Variants in TMOD4 observed in about 807,000 individuals in gnomAD.
TMOD4 encodes tropomodulin-4.
TMOD4 carries 34 observed loss-of-function variants against 45.4 expected under a neutral mutation model. That is an observed-to-expected ratio of 0.75 (90% CI 0.57 to 1.00). The LOEUF (loss-of-function observed/expected upper bound fraction) is 1.00, where lower values mean the gene tolerates loss of function less well. Among genes scored for constraint, TMOD4 ranks in the 50% least tolerant of loss-of-function variants. TMOD4 has a pLI of 0.00. For synonymous variants in TMOD4, 131 were observed against 153.9 expected, an observed-to-expected ratio of 0.85 and a Z score of 1.10; for missense variants, 399 against 437.5, an observed-to-expected ratio of 0.91 and a Z score of 0.78.
At chr1:151,170,135 T>G in intron 9 of TMOD4, 32 bp from the exon 10 acceptor site, 1 of 1,614,012 alleles carries the variant, frequency 6.2e-7, no homozygotes, top group South Asian at 1.1e-5. Flanking sequence ...CATAAGTGTT[T>G]GTTCCAGCTC....
intron 5 of TMOD4, 46 bp downstream of exon 5, chr1:151,172,222 C>T (rs1010033279): frequency 1.2e-5 from 17 of 1,468,868 alleles, no homozygotes; most frequent in Non-Finnish European, 1.6e-5. Context: ...GACACTAGGA[C>T]TGCCTGCCCA....
intron 2 of TMOD4, 79 bp from the exon 3 acceptor site, chr1:151,174,626 G>C: frequency 6.3e-7 from 1 of 1,595,518 alleles, no homozygotes; most frequent in East Asian, 2.2e-5. Context: ...AACATCACCG[G>C]ACACCTTTCC....
In TMOD4 at chr1:151,173,755, G is replaced by A. The variant is rs893433783; in HGVS notation, c.281-140C>T. 3.6e-4 allele frequency: 236 copies of A among 660,132 alleles called. 3 individuals carry two copies. The highest frequency in any genetic ancestry group is 3.5e-3 in the Middle Eastern group (9 of 2,594). 40.9% of individuals were successfully genotyped at this position (660,132 alleles called of 1,614,324 possible). On this transcript the variant is annotated intron_variant, in intron 3 of 9. Coordinates refer to ENST00000295314, the MANE Select transcript of TMOD4 (RefSeq NM_013353.3). ...AAGCCTGAGTCCTCTACAAACTCAA[G>A]AGTCCTTAGCCCCCTGATCTCTCAA...
At chr1:151,171,798 G>T (rs587658097) in intron 5 of TMOD4, 35 bp from the exon 6 acceptor site, 2 of 1,597,280 alleles carry the variant, frequency 1.3e-6, no homozygotes, top group Non-Finnish European at 1.7e-6. Context: ...ACCCCAACAT[G>T]TTCCCCATAA....
chr1:151,174,178 T>C (rs1037229055), intron 3 of TMOD4, among the ~76,000 whole-genome samples: 1 of 151,688 alleles, frequency 6.6e-6, no homozygotes, highest in Admixed American at 6.6e-5. Context: ...ACTGCACCAC[T>C]GCACTCCAGC....
rs185540374 is a variant in TMOD4, at chr1:151,174,462, T to C, written c.209A>G (p.Gln70Arg). 51 of 1,614,198 alleles carry C rather than the reference T, an allele frequency of 3.2e-5. No homozygotes were observed. The East Asian group carries it at 1.1e-3, about 34-fold the overall frequency. ...TTCTAGTGCCTGTTGCTCCAAGTAC[T>C]GCAAAAGGGCCTCTCGGTCCAGTGG... Reference protein sequence around the residue: ...TGPLDREALLQYLEQQALEVK... With the variant: ...TGPLDREALLRYLEQQALEVK... Residue 70 changes from glutamine to arginine, a missense_variant, in exon 3 of 10, where the codon CAG (glutamine) becomes CGG (arginine). Physicochemically the swap from Gln to Arg is conservative, Grantham distance 43. Coordinates refer to ENST00000295314, the MANE Select transcript of TMOD4 (RefSeq NM_013353.3).
intron 3 of TMOD4, among the ~76,000 whole-genome samples, chr1:151,174,074 G>A (rs1419825758): frequency 1.3e-5 from 2 of 152,114 alleles, no homozygotes; most frequent in Non-Finnish European, 2.9e-5. Flanking sequence ...AAATTAGCCG[G>A]GCGTGGTGGT....
In TMOD4 at chr1:151,172,320, T is replaced by C. The variant is rs1219569622; in HGVS notation, c.435A>G (p.Gln145=). ...CTCCACTGCAGAGGGCATCATAGTA[T>C]TGCTTGTTACTCATCAGTGTGTACA... ...LDMYTLMSNK[Q]YYDALCSGEI... The change falls in exon 5 of 10, where the codon CAA becomes CAG. Residue 145 remains glutamine (Q), a synonymous_variant. Coordinates refer to ENST00000295314, the MANE Select transcript of TMOD4 (RefSeq NM_013353.3). 3.7e-6 allele frequency: 6 copies of C among 1,613,892 alleles called. No homozygotes were observed. Among genetic ancestry groups the C allele is most frequent in the Non-Finnish European group, 5.1e-6 (6 of 1,179,834 alleles).
chr1:151,171,013 G>T lies in TMOD4; in HGVS notation c.777C>A (p.Ile259=), dbSNP rs766196791. The T allele has an allele frequency of 1.9e-6, 3 of 1,614,026 alleles. No homozygotes were observed. The Admixed American group carries it at 5.0e-5, about 27-fold the overall frequency. ...RENRSLQSLN[I]ESNFISSTGL... ...CTGTGCTGCTAATGAAGTTGGATTC[G>T]ATGTTTAGGCTCTGGAGGCTACGAT... The change falls in exon 8 of 10, where the codon ATC becomes ATA. Residue 259 remains isoleucine, a synonymous_variant. Coordinates refer to ENST00000295314, the MANE Select transcript of TMOD4 (RefSeq NM_013353.3).
intron 4 of TMOD4, 22 bp downstream of exon 4, chr1:151,173,477 T>G: frequency 1.3e-6 from 2 of 1,599,494 alleles, no homozygotes; most frequent in African/African-American, 2.7e-5. Flanking sequence ...CCTCTCACCC[T>G]CAACTTCCCA....
At chr1:151,171,885 G>T in intron 5 of TMOD4, 122 bp from the exon 6 acceptor site, 1 of 1,273,814 alleles carries the variant, frequency 7.9e-7, no homozygotes, top group Non-Finnish European at 1.0e-6. Context: ...CACCTAGGCT[G>T]GAATGCAGTG....
In TMOD4 at chr1:151,173,538, G is replaced by C; in HGVS notation, c.358C>G (p.Leu120Val). 1.2e-6 allele frequency: 2 copies of C among 1,614,156 alleles called. No individual in the cohort carries two copies. Among genetic ancestry groups the C allele is most frequent in the South Asian group, 2.2e-5 (2 of 91,088 alleles). The change falls in exon 4 of 10, where the codon CTG (leucine) becomes GTG (valine). Residue 120 changes from leucine to valine, a missense_variant. By Grantham distance (32) the Leu-to-Val change is conservative (BLOSUM62 1). Coordinates refer to ENST00000295314, the MANE Select transcript of TMOD4 (RefSeq NM_013353.3). ...ATTTCAGCATCTGTGGCATGTGCCA[G>C]TGCCTCCTCCAGCTCAGGCTCCAGG... Reference protein sequence around the residue: ...ITLEPELEEALAHATDAEMCD... With the variant: ...ITLEPELEEAVAHATDAEMCD...
chr1:151,170,865 CAG>C, intron 8 of TMOD4, 53 bp downstream of exon 8: 1 of 1,594,862 alleles, frequency 6.3e-7, no homozygotes, highest in East Asian at 2.2e-5. Flanking sequence ...CTGGCTGGCT[CAG>C]GGAGGAGACT....
chr1:151,174,420 T>C lies in TMOD4; in HGVS notation c.251A>G (p.Asp84Gly). Reference protein sequence around the residue: ...QQALEVKERDDLVPFTGEKKG... With the variant: ...QQALEVKERDGLVPFTGEKKG... ...CTTCTCGCCTGTGAAGGGCACCAAG[T>C]CATCACGCTCTTTGACTTCTAGTGC... The change falls in exon 3 of 10, where the codon GAC becomes GGC. Residue 84 changes from aspartate to glycine, a missense_variant. Transcript: ENST00000295314. The C allele has an allele frequency of 6.2e-7, 1 of 1,614,058 alleles. No homozygotes were observed. Among genetic ancestry groups the C allele is most frequent in the Non-Finnish European group, 8.5e-7 (1 of 1,179,998 alleles).
chr1:151,171,140 G>A (rs752873331), intron 7 of TMOD4, 77 bp from the exon 8 acceptor site: 57 of 1,488,088 alleles, frequency 3.8e-5, no homozygotes, highest in Admixed American at 1.6e-4. Flanking sequence ...AGGAGCAAGA[G>A]GGAAACACAG....
At position 151,170,588 on chromosome 1, in the gene TMOD4, CA is replaced by C; in HGVS notation, c.945del (p.Phe315LeufsTer18). On this transcript the variant is annotated frameshift_variant, in exon 9 of 10. Coordinates refer to ENST00000295314, the MANE Select transcript of TMOD4 (RefSeq NM_013353.3). LOFTEE classifies it high-confidence loss of function. ...VLEQCPSIVRFGYHFTQQGPR... is the reference protein window; with the variant it reads ...VLEQCPSIVRXGYHFTQQGPR... ...GGCCCCTGCTGTGTAAAGTGGTAGC[CA>C]AAGCGGACAATAGAGGGACACTGCT... is the stretch of plus-strand genomic sequence containing the variant. The C allele has an allele frequency of 6.2e-7, 1 of 1,614,158 alleles. No individual in the cohort carries two copies.
chr1:151,172,728 G>C (rs1683997011), intron 4 of TMOD4, among the ~76,000 whole-genome samples: 1 of 152,156 alleles, frequency 6.6e-6, no homozygotes, highest in African/African-American at 2.4e-5. Context: ...CACCTCCCGG[G>C]TTCAAGCAAT....
Position 151,171,198 on chromosome 1 carries a change from A to G in TMOD4, c.727-135T>C. 3.8e-6 allele frequency: 4 copies of G among 1,060,782 alleles called. No homozygotes were observed. In the South Asian group the frequency reaches 5.9e-5, roughly 16 times the overall value. 65.7% of individuals were successfully genotyped at this position (1,060,782 alleles called of 1,614,324 possible). A position where few individuals can be genotyped will look rare whatever the true frequency, so the allele number is the denominator to read the frequency against. On this transcript the variant is annotated intron_variant, in intron 7 of 9. Coordinates refer to ENST00000295314, the MANE Select transcript of TMOD4 (RefSeq NM_013353.3). ...GTGCTGTAAATGGAGCTAGAGGGAT[A>G]CAGAAAGCAGGGCGGATAGCAGGGG...
rs1204809626 is a variant in TMOD4, at chr1:151,174,512, G to A, written c.159C>T (p.Asp53=). 1 of 1,614,060 alleles carries A rather than the reference G, an allele frequency of 6.2e-7. No homozygotes were observed. The highest frequency in any genetic ancestry group is 8.5e-7 in the Non-Finnish European group (1 of 1,180,050). The part of the protein sequence containing the change: ...MLLPAGLRQR[D]QTKKSPTGPL... ...GCCCCGTTGGGCTCTTCTTTGTCTG[G>A]TCACGTTGTCTTAGTCCAGCTGGCA... Residue 53 remains aspartate, a synonymous_variant, in exon 3 of 10, where the codon GAC becomes GAT. Transcript: ENST00000295314.
Sources: allele counts gnomAD v4.1 joint callset (sites outside exome capture counted in the v4.1 genomes callset), GRCh38; gene constraint gnomAD v4.1.1; transcripts MANE v1.5; gene names NCBI Gene and HGNC (gene_info 2026-07-23, HGNC 2026-07-21).